Variants in ADARB2 observed in about 807,000 individuals in gnomAD.
The protein encoded by ADARB2 is inactive double-stranded RNA-specific editase B2.
Under a neutral mutation model 62.2 loss-of-function variants are expected in ADARB2, and 25 were observed. That is an observed-to-expected ratio of 0.40 (90% confidence interval 0.29 to 0.56). The LOEUF is 0.56. Ranked by LOEUF, ADARB2 falls within the 20% of genes least tolerant of loss-of-function variation. The pLI is 0.43. For synonymous variants in ADARB2, 572 were observed against 500.8 expected, an observed-to-expected ratio of 1.14 and a Z score of -1.90; for missense variants, 1,071 against 1,077.4, an observed-to-expected ratio of 0.99 and a Z score of 0.08.
intron 1 of ADARB2, among the ~76,000 whole-genome samples, chr10:1,720,888 C>A (rs1429392144): frequency 1.3e-5 from 2 of 152,212 alleles, no homozygotes; most frequent in African/African-American, 2.4e-5. Context: ...CACTGGCTCG[C>A]TGCAGTGCTT....
intron 1 of ADARB2, among the ~76,000 whole-genome samples, chr10:1,715,267 C>G (rs1300282781): frequency 6.6e-6 from 1 of 152,132 alleles, no homozygotes; most frequent in East Asian, 1.9e-4. Context: ...TTATTATCCC[C>G]AGATTTTTCC....
At chr10:1,411,735 T>G (rs565718981) in intron 1 of ADARB2, among the ~76,000 whole-genome samples, 1 of 152,150 alleles carries the variant, frequency 6.6e-6, no homozygotes, top group African/African-American at 2.4e-5. Flanking sequence ...GCAAGGCCAC[T>G]GTAGGTGCTT....
chr10:1,367,974 C>A (rs915197412), intron 2 of ADARB2, among the ~76,000 whole-genome samples: 4 of 152,218 alleles, frequency 2.6e-5, no homozygotes, highest in Non-Finnish European at 5.9e-5. Flanking sequence ...TAAGAGCATA[C>A]TTCAGGGGCC....
At chr10:1,220,620 AT>A (rs1304551447) in intron 6 of ADARB2, among the ~76,000 whole-genome samples, 1 of 152,122 alleles carries the variant, frequency 6.6e-6, no homozygotes, top group Non-Finnish European at 1.5e-5. Context: ...TTACTCTTTC[AT>A]TTGGGGGATA....
At chr10:1,706,691 A>C (rs78430117) in intron 1 of ADARB2, among the ~76,000 whole-genome samples, 3 of 152,222 alleles carry the variant, frequency 2.0e-5, no homozygotes, top group African/African-American at 7.2e-5. Context: ...GAGAATCAGA[A>C]GCCTGGTTTC....
chr10:1,424,459 G>A (rs776722922), intron 1 of ADARB2, among the ~76,000 whole-genome samples: 2 of 152,168 alleles, frequency 1.3e-5, no homozygotes, highest in Non-Finnish European at 2.9e-5. Context: ...AATGACTCGT[G>A]GCAAAGTGTG....
chr10:1,706,611 A>G (rs1193529603), intron 1 of ADARB2, among the ~76,000 whole-genome samples: 1 of 152,220 alleles, frequency 6.6e-6, no homozygotes, highest in Non-Finnish European at 1.5e-5. Context: ...AAACAGTCCT[A>G]CTTTTCAACA....
At position 1,533,927 on chromosome 10, in the gene ADARB2, T is replaced by C. The variant is rs370340536; in HGVS notation, c.101-154767A>G. On this transcript the variant is annotated intron_variant, in intron 1 of 9. Transcript: ENST00000381312. ...TTTTTAACGTAATCATTTAGGAATATTTTTGTAAATAATTTTCTGATTATC... is the reference window on the plus strand; with the variant it reads ...TTTTTAACGTAATCATTTAGGAATACTTTTGTAAATAATTTTCTGATTATC... Among the ~76,000 whole-genome samples, 5 of 152,252 alleles carry C rather than the reference T, an allele frequency of 3.3e-5. No homozygotes were observed. In the South Asian group the frequency reaches 6.2e-4, roughly 19 times the overall value.
chr10:1,453,676 A>T (rs1831063971), intron 1 of ADARB2, among the ~76,000 whole-genome samples: 1 of 152,210 alleles, frequency 6.6e-6, no homozygotes, highest in Non-Finnish European at 1.5e-5. Context: ...GAATCTAATT[A>T]AAAAATAGGC....
intron 1 of ADARB2, among the ~76,000 whole-genome samples, chr10:1,683,440 G>A (rs1019868744): frequency 1.3e-5 from 2 of 152,184 alleles, no homozygotes; most frequent in African/African-American, 2.4e-5. Flanking sequence ...TAGTGAGCTC[G>A]AAAGATTTTG....
At chr10:1,200,526 T>A (rs1292647179) in intron 7 of ADARB2, 3 of 451,176 alleles carry the variant, frequency 6.6e-6, no homozygotes, top group Non-Finnish European at 1.2e-5. Flanking sequence ...GGAATTTGTT[T>A]ATTTTAGTTT....
chr10:1,541,881 C>T (rs1424492653), intron 1 of ADARB2, among the ~76,000 whole-genome samples: 1 of 25,796 alleles, frequency 3.9e-5, no homozygotes. Flanking sequence ...GGATCACAGC[C>T]GCCCAGACCG....
rs1461260402 is a variant in ADARB2 at position 1,571,658 on chromosome 10, ACAGGTGAGTGTG to A, written c.100+165381_100+165392del. On this transcript the variant is annotated intron_variant, in intron 1 of 9. Coordinates refer to ENST00000381312, the MANE Select transcript of ADARB2 (RefSeq NM_018702.4). ...GGCAGGTGAGTATGCAGGTGAGTGG[ACAGGTGAGTGTG>A]CAGGTGAGTGTGCAGGTGAGTGGAC... 3.1e-3 allele frequency among the ~76,000 whole-genome samples: 465 copies of A among 149,976 alleles called. 2 individuals carry two copies. Among genetic ancestry groups the A allele is most frequent in the African/African-American group, 0.01 (412 of 40,602 alleles).
rs772196258 is a variant in ADARB2, at chr10:1,409,707, G to A, written c.101-30547C>T. ...GAAGGATTCTCAGTGGTGCTGAGGC[G>A]TGGCTGTGGTCATGAGGAAGGATTC... On this transcript the variant is annotated intron_variant, in intron 1 of 9. Coordinates refer to ENST00000381312, the MANE Select transcript of ADARB2 (RefSeq NM_018702.4). 7.3e-5 allele frequency among the ~76,000 whole-genome samples: 6 copies of A among 82,322 alleles called. 1 individual carries two copies. The highest frequency in any genetic ancestry group is 2.0e-4 in the African/African-American group (5 of 25,070). The allele number at this position is 82,322 out of a possible 152,430, so 54.0% of individuals were successfully genotyped here. A position where few individuals can be genotyped will look rare whatever the true frequency, so the allele number is the denominator to read the frequency against.
intron 3 of ADARB2, among the ~76,000 whole-genome samples, chr10:1,354,102 G>C (rs1832171008): frequency 6.6e-6 from 1 of 152,064 alleles, no homozygotes; most frequent in South Asian, 2.1e-4. Flanking sequence ...AATCCTGCTT[G>C]AAGCAGCCCT....
At chr10:1,273,042 G>C (rs1480230235) in intron 3 of ADARB2, among the ~76,000 whole-genome samples, 2 of 152,202 alleles carry the variant, frequency 1.3e-5, no homozygotes, top group Non-Finnish European at 2.9e-5. Flanking sequence ...GTCTGTGTCT[G>C]CTCTTCTGCC....
At chr10:1,703,254 G>A (rs1834846212) in intron 1 of ADARB2, among the ~76,000 whole-genome samples, 1 of 152,146 alleles carries the variant, frequency 6.6e-6, no homozygotes, top group Non-Finnish European at 1.5e-5. Context: ...AAGGGGGTGG[G>A]GGCTGCAGGT....
chr10:1,511,948 A>G (rs1311564193), intron 1 of ADARB2, among the ~76,000 whole-genome samples: 3 of 146,186 alleles, frequency 2.1e-5, no homozygotes, highest in African/African-American at 2.6e-5. Flanking sequence ...TGTCTATACT[A>G]GATACCAAGA....
intron 1 of ADARB2, among the ~76,000 whole-genome samples, chr10:1,686,775 G>T (rs1300650487): frequency 1.3e-5 from 2 of 152,042 alleles, no homozygotes; most frequent in Non-Finnish European, 2.9e-5. Flanking sequence ...GTTAATTAAG[G>T]ATACTATTAT....
Sources: gnomAD v4.1 joint callset for allele counts (sites outside exome capture counted in the v4.1 genomes callset) on GRCh38, gnomAD v4.1.1 for gene constraint, MANE v1.5 for transcripts, NCBI Gene and HGNC (gene_info 2026-07-23, HGNC 2026-07-21) for gene names.